Variants in KCNN4 observed in about 807,000 individuals in gnomAD.
KCNN4 encodes intermediate conductance calcium-activated potassium channel protein 4.
KCNN4 carries 31 observed loss-of-function variants against 45.2 expected under a neutral mutation model. That is an observed-to-expected ratio of 0.69 (90% CI 0.52 to 0.92). The LOEUF is 0.92. KCNN4 is among the 40% of genes least tolerant of loss of function. KCNN4 has a pLI of 0.00. For synonymous variants in KCNN4, 231 were observed against 254.6 expected, an observed-to-expected ratio of 0.91 and a Z score of 0.88; for missense variants, 463 against 574.0, an observed-to-expected ratio of 0.81 and a Z score of 1.98.
At chr19:43,777,330 T>TGC (rs1969842359) in intron 1 of KCNN4, among the ~76,000 whole-genome samples, 1 of 151,244 alleles carries the variant, frequency 6.6e-6, no homozygotes, top group African/African-American at 2.4e-5. Flanking sequence ...TGTGTGGGTG[T>TGC]GTGTGTGTGG....
At chr19:43,767,797 C>T in intron 7 of KCNN4, 90 bp from the exon 8 acceptor site, 10 of 1,456,152 alleles carry the variant, frequency 6.9e-6, no homozygotes, top group Non-Finnish European at 9.5e-6. Flanking sequence ...ATATTGACCA[C>T]ATCCTTATGG....
chr19:43,776,526 C>G lies in KCNN4; in HGVS notation c.255+15G>C. The stretch of plus-strand genomic sequence containing the variant: ...GGTTGGAGGGAGCAAGGCTTAGGGG[C>G]GGGGCCTGCCCTACCTGGACCTCTT... On this transcript the variant is annotated intron_variant, in intron 2 of 8. Coordinates refer to ENST00000648319, the MANE Select transcript of KCNN4 (RefSeq NM_002250.3). 2.5e-6 allele frequency: 4 copies of G among 1,579,102 alleles called. No homozygotes were observed. Among genetic ancestry groups the G allele is most frequent in the African/African-American group, 1.4e-5 (1 of 74,008 alleles).
intron 2 of KCNN4, among the ~76,000 whole-genome samples, chr19:43,776,096 C>G (rs1969793427): frequency 7.5e-6 from 1 of 133,388 alleles, no homozygotes; most frequent in Non-Finnish European, 1.5e-5. Flanking sequence ...CCACTCCACT[C>G]TAGCCTGGGC....
At chr19:43,778,559 CTGTG>C (rs1969881281) in intron 1 of KCNN4, among the ~76,000 whole-genome samples, 2 of 152,306 alleles carry the variant, frequency 1.3e-5, no homozygotes, top group South Asian at 2.1e-4. Flanking sequence ...TTTTCTAACG[CTGTG>C]TGTGTATCTC....
Position 43,774,116 on chromosome 19 carries a change from C to CTG in KCNN4, c.683+74_683+75dup. ...CTGCTTGGTCCTAGGGGGCCTCAAC[C>CTG]TGCACCGCGGCACAGGACGGCCGCC... On this transcript the variant is annotated intron_variant, in intron 3 of 8. Transcript: ENST00000648319. The surrounding 1 kb of genome is among the most constrained non-coding windows in gnomAD (Gnocchi z 5.6). 1 of 1,453,916 alleles carries CTG rather than the reference C, an allele frequency of 6.9e-7. No individual in the cohort carries two copies. The highest frequency in any genetic ancestry group is 9.3e-7 in the Non-Finnish European group (1 of 1,074,792). 90.1% of individuals were successfully genotyped at this position (1,453,916 alleles called of 1,614,324 possible). A position where few individuals can be genotyped will look rare whatever the true frequency, so the allele number is the denominator to read the frequency against.
In KCNN4 at chr19:43,776,526, C is replaced by T. The variant is rs770793847; in HGVS notation, c.255+15G>A. On this transcript the variant is annotated intron_variant, in intron 2 of 8. Transcript: ENST00000648319. ...GGTTGGAGGGAGCAAGGCTTAGGGG[C>T]GGGGCCTGCCCTACCTGGACCTCTT... is the stretch of plus-strand genomic sequence containing the variant. 11 of 1,578,980 alleles carry T rather than the reference C, an allele frequency of 7.0e-6. No homozygotes were observed. The highest frequency in any genetic ancestry group is 4.4e-5 in the South Asian group (4 of 90,284).
chr19:43,776,524 G>A lies in KCNN4; in HGVS notation c.255+17C>T. The stretch of plus-strand genomic sequence containing the variant: ...GGGGTTGGAGGGAGCAAGGCTTAGG[G>A]GCGGGGCCTGCCCTACCTGGACCTC... On this transcript the variant is annotated intron_variant, in intron 2 of 8. Transcript: ENST00000648319. 16 of 1,572,162 alleles carry A rather than the reference G, an allele frequency of 1.0e-5. No homozygotes were observed. Among genetic ancestry groups the A allele is most frequent in the Non-Finnish European group, 1.4e-5 (16 of 1,142,670 alleles).
chr19:43,780,657 C>T (rs756424908), intron 1 of KCNN4, 46 bp downstream of exon 1: 2 of 1,554,722 alleles, frequency 1.3e-6, no homozygotes, highest in African/African-American at 1.4e-5. Flanking sequence ...GCCCCTCCTC[C>T]CTCAGACCTA....
At position 43,780,817 on chromosome 19, in the gene KCNN4, T is replaced by A; in HGVS notation, c.45A>T (p.Arg15=). 1 of 1,613,936 alleles carries A rather than the reference T, an allele frequency of 6.2e-7. No individual in the cohort carries two copies. The highest frequency in any genetic ancestry group is 1.6e-4 in the Middle Eastern group (1 of 6,062). The change falls in exon 1 of 9, where the codon CGA becomes CGT. Residue 15 remains arginine (R), a synonymous_variant. Coordinates refer to ENST00000648319, the MANE Select transcript of KCNN4 (RefSeq NM_002250.3). ...ACTTCTCCTGCTCCAGCAAGCGCTT[T>A]CGGCGTCTCAAGGCCCCCAGGCCAA... ...LVLGLGALRR[R]KRLLEQEKSL... is the part of the protein sequence containing the mutation.
In KCNN4 at chr19:43,774,523, G is replaced by A. The variant is rs1256165484; in HGVS notation, c.352C>T (p.His118Tyr). ...GGCGGGCCCCGCACGGGCGCCGGGT[G>A]CAGCCCACACACCACCAGCTCCAGC... Reference protein sequence around the residue: ...IVLELVVCGLHPAPVRGPPCV... With the variant: ...IVLELVVCGLYPAPVRGPPCV... The change falls in exon 3 of 9, where the codon CAC becomes TAC. Residue 118 changes from histidine to tyrosine, a missense_variant. Around this residue, in one of 3 missense-constraint regions of KCNN4, gnomAD observed 225 missense variants for 240.9 expected, o/e 0.93. Transcript: ENST00000648319. The surrounding 1 kb of genome is among the most constrained non-coding windows in gnomAD (Gnocchi z 5.6). 3 of 1,596,952 alleles carry A rather than the reference G, an allele frequency of 1.9e-6. No homozygotes were observed. The highest frequency in any genetic ancestry group is 2.6e-6 in the Non-Finnish European group (3 of 1,175,874).
In KCNN4 at chr19:43,772,193, A is replaced by G; in HGVS notation, c.684-58T>C. The G allele has an allele frequency of 6.3e-7, 1 of 1,584,424 alleles. No homozygotes were observed. The highest frequency in any genetic ancestry group is 2.3e-5 in the East Asian group (1 of 43,550). ...CACCATAGAGGTTTCCATGATATTC[A>G]CTCCCCTTCCCTCTATACCCTCCCA... On this transcript the variant is annotated intron_variant, in intron 3 of 8. Coordinates refer to ENST00000648319, the MANE Select transcript of KCNN4 (RefSeq NM_002250.3). The surrounding 1 kb of genome is among the most constrained non-coding windows in gnomAD (Gnocchi z 4.4).
intron 1 of KCNN4, among the ~76,000 whole-genome samples, chr19:43,780,143 G>A (rs946605462): frequency 3.3e-5 from 5 of 152,018 alleles, no homozygotes; most frequent in Non-Finnish European, 5.9e-5. Context: ...ATTGGCTCTT[G>A]GGGGGCTTGA....
intron 2 of KCNN4, 69 bp downstream of exon 2, chr19:43,776,472 G>A: frequency 1.9e-6 from 2 of 1,067,914 alleles, no homozygotes; most frequent in Non-Finnish European, 2.9e-6. Flanking sequence ...GAGGAGGGTG[G>A]AAAGTGTGAG....
Position 43,774,078 on chromosome 19 carries a change from T to C in KCNN4, c.683+114A>G. ...AGCAAGAGGAGAAGGGGTCAAAGTGTGAACTTTCTCCACTGCTTGGTCCTA... is the reference window on the plus strand; with the variant it reads ...AGCAAGAGGAGAAGGGGTCAAAGTGCGAACTTTCTCCACTGCTTGGTCCTA... On this transcript the variant is annotated intron_variant, in intron 3 of 8. Coordinates refer to ENST00000648319, the MANE Select transcript of KCNN4 (RefSeq NM_002250.3). This position sits in a 1 kb window ranked among gnomAD's most constrained non-coding sequence, Gnocchi z 5.6. The C allele has an allele frequency of 8.8e-6, 10 of 1,134,074 alleles. No homozygotes were observed. Among genetic ancestry groups the C allele is most frequent in the Non-Finnish European group, 1.2e-5 (10 of 806,090 alleles). The allele number at this position is 1,134,074 out of a possible 1,614,324, so 70.3% of individuals were successfully genotyped here.
At position 43,774,199 on chromosome 19, in the gene KCNN4, C is replaced by T; in HGVS notation, c.676G>A (p.Ala226Thr). The change falls in exon 3 of 9, where the codon GCC (alanine) becomes ACC (threonine). Residue 226 changes from alanine to threonine, a missense_variant. Ala to Thr is a moderately conservative substitution (Grantham distance 58). Transcript: ENST00000648319. The surrounding 1 kb of genome is among the most constrained non-coding windows in gnomAD (Gnocchi z 5.6). ...TGCCTCCATCACCCTCACCTCTCGG[C>T]CACGGACAGCACCCAGGCGGTGGTC... ...WLTTAWVLSV[A>T]ERQAVNATGH... 6.2e-7 allele frequency: 1 copy of T among 1,610,314 alleles called. No individual in the cohort carries two copies. The highest frequency in any genetic ancestry group is 1.1e-5 in the South Asian group (1 of 90,778).
chr19:43,769,446 T>G lies in KCNN4; in HGVS notation c.1045A>C (p.Asn349His). The G allele has an allele frequency of 6.2e-7, 1 of 1,613,780 alleles. No homozygotes were observed. Among genetic ancestry groups the G allele is most frequent in the East Asian group, 2.2e-5 (1 of 44,878 alleles). ...TGCATACAAAGCGGCCCTCACGCGT[T>G]GATGGCGGCCAGCAGCTTGCGCTGA... Reference protein sequence around the residue: ...RHQRKLLAAINAFRQVRLKHR... With the variant: ...RHQRKLLAAIHAFRQVRLKHR... The change falls in exon 6 of 9, where the codon AAC (asparagine) becomes CAC (histidine). Residue 349 changes from asparagine (N) to histidine (H), a missense_variant. Asn to His is a moderately conservative substitution (Grantham distance 68, BLOSUM62 1). Around this residue, in one of 3 missense-constraint regions of KCNN4, gnomAD observed 129 missense variants for 149.4 expected, o/e 0.86. Coordinates refer to ENST00000648319, the MANE Select transcript of KCNN4 (RefSeq NM_002250.3). This position sits in a 1 kb window ranked among gnomAD's most constrained non-coding sequence, Gnocchi z 4.4.
In KCNN4 at chr19:43,780,819, G is replaced by T; in HGVS notation, c.43C>A (p.Arg15=). ...TTCTCCTGCTCCAGCAAGCGCTTTC[G>T]GCGTCTCAAGGCCCCCAGGCCAAGC... ...LVLGLGALRR[R]KRLLEQEKSL... is the part of the protein sequence containing the mutation. The change falls in exon 1 of 9, where the codon CGA becomes AGA. Residue 15 remains arginine, a synonymous_variant. Coordinates refer to ENST00000648319, the MANE Select transcript of KCNN4 (RefSeq NM_002250.3). 6.2e-7 allele frequency: 1 copy of T among 1,613,906 alleles called. No homozygotes were observed. The highest frequency in any genetic ancestry group is 8.5e-7 in the Non-Finnish European group (1 of 1,179,930).
chr19:43,769,590 G>T lies in KCNN4; in HGVS notation c.931-30C>A, dbSNP rs750843513. 13 of 1,600,514 alleles carry T rather than the reference G, an allele frequency of 8.1e-6. No individual in the cohort carries two copies. In the South Asian group the frequency reaches 1.4e-4, roughly 18 times the overall value. On this transcript the variant is annotated intron_variant, in intron 5 of 8. Transcript: ENST00000648319. The surrounding 1 kb of genome is among the most constrained non-coding windows in gnomAD (Gnocchi z 4.4). ...GGGTGGGTGGCACAGTGTCCGTGGAGATAGACCCTTACGGTTCTGGGAAGG... is the reference window on the plus strand; with the variant it reads ...GGGTGGGTGGCACAGTGTCCGTGGATATAGACCCTTACGGTTCTGGGAAGG...
At position 43,774,568 on chromosome 19, in the gene KCNN4, G is replaced by GC; in HGVS notation, c.306dup (p.Arg103AlafsTer130). 6.5e-7 allele frequency: 1 copy of GC among 1,547,950 alleles called. No homozygotes were observed. Among genetic ancestry groups the GC allele is most frequent in the South Asian group, 1.2e-5 (1 of 82,676 alleles). On this transcript the variant is annotated frameshift_variant, in exon 3 of 9. Transcript: ENST00000648319. LOFTEE classifies it high-confidence loss of function. The surrounding 1 kb of genome is among the most constrained non-coding windows in gnomAD (Gnocchi z 5.6). The stretch of plus-strand genomic sequence containing the variant: ...TCCAGCACGATCTGCGCCGCCTGCC[G>GC]CCCGGTCAGCGCCACGCGCCAGTCC...
Sources: gnomAD v4.1 joint callset for allele counts (sites outside exome capture counted in the v4.1 genomes callset) on GRCh38, gnomAD v4.1.1 for gene constraint, gnomAD v4.1.1 regional missense constraint, Gnocchi (gnomAD v3.1) non-coding constraint, MANE v1.5 for transcripts, NCBI Gene and HGNC (gene_info 2026-07-23, HGNC 2026-07-21) for gene names.